The following LDB2 variants were observed in gnomAD, a reference collection of about 807,000 sequenced individuals.
The protein encoded by LDB2 is LIM domain binding 2.
LDB2 carries 12 observed loss-of-function variants against 44.3 expected under a neutral mutation model. The observed-to-expected ratio is 0.27, with a 90% CI of 0.17 to 0.44. The LOEUF (loss-of-function observed/expected upper bound fraction) is 0.44. LDB2 is among the 20% of genes least tolerant of loss of function. The pLI, the probability that LDB2 is intolerant of heterozygous loss-of-function variation, is 1.00. For missense variants in LDB2, 344 were observed against 473.5 expected (o/e 0.73, Z 2.54); for synonymous variants, 164 against 174.8 (o/e 0.94, Z 0.49).
chr4:16,506,103 AC>A, intron 7 of LDB2: 2 of 1,054,150 alleles, frequency 1.9e-6, no homozygotes, highest in Non-Finnish European at 2.7e-6. Context: ...ATGCCTTTGG[AC>A]CAGACAGTGG....
At chr4:16,670,058 A>C (rs1744308118) in intron 2 of LDB2, among the ~76,000 whole-genome samples, 1 of 152,190 alleles carries the variant, frequency 6.6e-6, no homozygotes, top group African/African-American at 2.4e-5. Context: ...CCAAACCTAA[A>C]ATATTTTCTG....
intron 1 of LDB2, among the ~76,000 whole-genome samples, chr4:16,867,440 A>C (rs1301138771): frequency 6.6e-6 from 1 of 152,190 alleles, no homozygotes; most frequent in Non-Finnish European, 1.5e-5. Flanking sequence ...AGAGACAAGA[A>C]AAGGGAACTG....
intron 1 of LDB2, among the ~76,000 whole-genome samples, chr4:16,861,966 CAGT>C (rs1302622385): frequency 6.6e-6 from 1 of 152,226 alleles, no homozygotes; most frequent in African/African-American, 2.4e-5. Context: ...CCCTTGACCT[CAGT>C]CAAGTTACCC....
At chr4:16,884,290 G>T (rs1041490139) in intron 1 of LDB2, among the ~76,000 whole-genome samples, 61 of 152,134 alleles carry the variant, frequency 4.0e-4, no homozygotes, top group African/African-American at 1.4e-3. Flanking sequence ...TGTGAGGCGG[G>T]GACTACTGTT....
At chr4:16,888,855 C>T (rs1561547721) in intron 1 of LDB2, 2 of 299,264 alleles carry the variant, frequency 6.7e-6, no homozygotes. Context: ...TAAGAAACTT[C>T]CTTAATATTA....
At chr4:16,517,827 A>G (rs146269972) in intron 5 of LDB2, among the ~76,000 whole-genome samples, 192 of 152,222 alleles carry the variant, frequency 1.3e-3, no homozygotes, top group African/African-American at 4.2e-3. Flanking sequence ...TGGCCCCAAC[A>G]CTGACCCTTT....
chr4:16,676,165 T>C (rs1003638087), intron 2 of LDB2, among the ~76,000 whole-genome samples: 3 of 152,170 alleles, frequency 2.0e-5, no homozygotes, highest in Non-Finnish European at 4.4e-5. Context: ...GTGTGTGCAT[T>C]TGTGTGTTAA....
At position 16,582,757 on chromosome 4, in the gene LDB2, G is replaced by A. The variant is rs1030281265; in HGVS notation, c.615+3165C>T. On this transcript the variant is annotated intron_variant, in intron 5 of 7. Coordinates refer to ENST00000304523, the MANE Select transcript of LDB2 (RefSeq NM_001290.5). This position sits in a 1 kb window ranked among gnomAD's most constrained non-coding sequence, Gnocchi z 4.8. ...GGCAGCCTGTAGAGGAAGTGAGACC[G>A]CACTGTGACAGGGCGCCATCTCTGC... Among the ~76,000 whole-genome samples, 6 of 152,238 alleles carry A rather than the reference G, an allele frequency of 3.9e-5. No homozygotes were observed. The highest frequency in any genetic ancestry group is 3.9e-4 in the East Asian group (2 of 5,172).
chr4:16,629,005 G>A (rs557546063), intron 2 of LDB2, among the ~76,000 whole-genome samples: 63 of 152,356 alleles, frequency 4.1e-4, no homozygotes, highest in African/African-American at 1.4e-3. Flanking sequence ...CTTGCTGCTA[G>A]TGCAGCAGTC....
intron 2 of LDB2, among the ~76,000 whole-genome samples, chr4:16,731,353 G>A (rs1331688941): frequency 1.3e-5 from 2 of 152,120 alleles, no homozygotes; most frequent in African/African-American, 2.4e-5. Flanking sequence ...TTCAGAATTC[G>A]TATGTTGAAG....
intron 2 of LDB2, among the ~76,000 whole-genome samples, chr4:16,637,525 A>G (rs1221191022): frequency 6.6e-6 from 1 of 152,086 alleles, no homozygotes; most frequent in East Asian, 1.9e-4. Context: ...GTGGTCAACC[A>G]GTGCTCCCCA....
chr4:16,831,061 G>A (rs1437168350), intron 1 of LDB2, among the ~76,000 whole-genome samples: 1 of 152,046 alleles, frequency 6.6e-6, no homozygotes, highest in Non-Finnish European at 1.5e-5. Flanking sequence ...AGCACCTCTA[G>A]GCAATGGGGT....
chr4:16,624,512 A>G (rs1026621439), intron 2 of LDB2, among the ~76,000 whole-genome samples: 9 of 152,228 alleles, frequency 5.9e-5, no homozygotes, highest in African/African-American at 2.2e-4. Flanking sequence ...TGCCTACACT[A>G]TCTTCAATAA....
chr4:16,732,075 T>G (rs937448559), intron 2 of LDB2, among the ~76,000 whole-genome samples: 2 of 152,180 alleles, frequency 1.3e-5, no homozygotes, highest in Non-Finnish European at 2.9e-5. Flanking sequence ...AATCTCAAGT[T>G]GCTTAGATTC....
rs187236272 is a variant in LDB2 at position 16,877,444 on chromosome 4, G to A, written c.132+20910C>T. 8.5e-5 allele frequency among the ~76,000 whole-genome samples: 13 copies of A among 152,208 alleles called. No individual in the cohort carries two copies. The East Asian group carries it at 2.3e-3, about 27-fold the overall frequency. ...CTGAGACCCATTATGCAAATCATCC[G>A]AAGTCATCTAGCAACTAACTGGGAA... On this transcript the variant is annotated intron_variant, in intron 1 of 7. Coordinates refer to ENST00000304523, the MANE Select transcript of LDB2 (RefSeq NM_001290.5).
intron 2 of LDB2, among the ~76,000 whole-genome samples, chr4:16,674,666 C>A (rs1463862535): frequency 6.6e-6 from 1 of 152,192 alleles, no homozygotes; most frequent in African/African-American, 2.4e-5. Context: ...CCAATTTACG[C>A]ATTTTCTATT....
chr4:16,672,910 A>G (rs1295475177), intron 2 of LDB2, among the ~76,000 whole-genome samples: 1 of 110,976 alleles, frequency 9.0e-6, no homozygotes, highest in Non-Finnish European at 1.8e-5. Flanking sequence ...CCCTCTCCTT[A>G]TCTTTTTTCT....
At chr4:16,779,295 G>T (rs1472585796) in intron 1 of LDB2, among the ~76,000 whole-genome samples, 1 of 152,176 alleles carries the variant, frequency 6.6e-6, no homozygotes, top group Non-Finnish European at 1.5e-5. Flanking sequence ...CCTTGAAATT[G>T]CCCTCATTTA....
At chr4:16,551,399 G>A (rs1481394529) in intron 5 of LDB2, among the ~76,000 whole-genome samples, 1 of 152,168 alleles carries the variant, frequency 6.6e-6, no homozygotes, top group African/African-American at 2.4e-5. Context: ...GCACCTGTGT[G>A]TTTGAGACAG....
Sources: gnomAD v4.1 joint callset for allele counts (sites outside exome capture counted in the v4.1 genomes callset) on GRCh38, gnomAD v4.1.1 for gene constraint, Gnocchi (gnomAD v3.1) non-coding constraint, MANE v1.5 for transcripts, NCBI Gene and HGNC (gene_info 2026-07-23, HGNC 2026-07-21) for gene names.